EFCAB6: variants seen among roughly 807,000 people sequenced by gnomAD.
EFCAB6 encodes EF-hand calcium-binding domain-containing protein 6.
Under a neutral mutation model 169.8 loss-of-function variants are expected in EFCAB6, and 156 were observed. The observed-to-expected ratio is 0.92, with a 90% CI of 0.81 to 1.05. The LOEUF (loss-of-function observed/expected upper bound fraction) is 1.05. EFCAB6 is among the 50% of genes least tolerant of loss of function. The pLI is 0.00. For synonymous variants in EFCAB6, 698 were observed against 676.4 expected (o/e 1.03, Z -0.50); for missense variants, 1,800 against 1,829.1 (o/e 0.98, Z 0.29).
intron 5 of EFCAB6, among the ~76,000 whole-genome samples, chr22:43,764,885 C>A (rs1301716193): frequency 1.3e-5 from 2 of 151,016 alleles, no homozygotes; most frequent in Non-Finnish European, 2.9e-5. Context: ...ATACAAAGAT[C>A]TTTTTTTATT....
chr22:43,544,715 C>CAA (rs959336800), intron 27 of EFCAB6, among the ~76,000 whole-genome samples: 32 of 147,442 alleles, frequency 2.2e-4, no homozygotes, highest in Non-Finnish European at 4.1e-4. Flanking sequence ...TAATACCCTT[C>CAA]AAAAAAAAAA....
chr22:43,640,275 A>G (rs2055710051), intron 17 of EFCAB6, among the ~76,000 whole-genome samples: 1 of 152,178 alleles, frequency 6.6e-6, no homozygotes, highest in Non-Finnish European at 1.5e-5. Context: ...TTATGTCTAC[A>G]TATGTTATAA....
intron 21 of EFCAB6, among the ~76,000 whole-genome samples, chr22:43,610,341 AG>A (rs1281332946): frequency 6.6e-6 from 1 of 152,240 alleles, no homozygotes; most frequent in Middle Eastern, 3.2e-3. Flanking sequence ...AATGAGAAAA[AG>A]ACAAACCAGT....
intron 10 of EFCAB6, among the ~76,000 whole-genome samples, chr22:43,702,432 T>C (rs888101775): frequency 1.5e-4 from 23 of 151,994 alleles, no homozygotes; most frequent in African/African-American, 5.6e-4. Context: ...CAGAACAAAA[T>C]AAAAACCACA....
intron 10 of EFCAB6, among the ~76,000 whole-genome samples, chr22:43,700,171 A>C (rs903081332): frequency 3.3e-5 from 5 of 152,216 alleles, no homozygotes; most frequent in Non-Finnish European, 7.3e-5. Context: ...ACACATGCAC[A>C]TACACACACA....
At chr22:43,756,837 G>A (rs1278475784) in intron 5 of EFCAB6, among the ~76,000 whole-genome samples, 2 of 152,156 alleles carry the variant, frequency 1.3e-5, no homozygotes, top group Non-Finnish European at 2.9e-5. Context: ...CAAGGTGAAG[G>A]GCCATGAAGC....
chr22:43,564,983 G>A (rs777004922), intron 26 of EFCAB6, among the ~76,000 whole-genome samples: 5 of 152,198 alleles, frequency 3.3e-5, no homozygotes, highest in Non-Finnish European at 7.3e-5. Context: ...CCCTGCTTCT[G>A]TTCACCCTGT....
chr22:43,773,338 A>G (rs2061539055), intron 3 of EFCAB6, among the ~76,000 whole-genome samples: 1 of 152,234 alleles, frequency 6.6e-6, no homozygotes, highest in Admixed American at 6.5e-5. Context: ...AAGAAAAAAA[A>G]AGAGAATCTT....
At position 43,765,107 on chromosome 22, in the gene EFCAB6, T is replaced by C. The variant is rs546250768; in HGVS notation, c.440+198A>G. Among the ~76,000 whole-genome samples, 7 of 152,314 alleles carry C rather than the reference T, an allele frequency of 4.6e-5. No individual in the cohort carries two copies. The South Asian group carries it at 1.5e-3, about 32-fold the overall frequency. ...CAGTATCATTCCTCTTGTTTTGAAA[T>C]ACATCCTATATAGATGCTAAAATCT... On this transcript the variant is annotated intron_variant, in intron 5 of 31. Coordinates refer to ENST00000262726, the MANE Select transcript of EFCAB6 (RefSeq NM_022785.4).
In EFCAB6 at chr22:43,628,938, C is replaced by A. The variant is rs998314611; in HGVS notation, c.2233-2259G>T. 6.6e-6 allele frequency among the ~76,000 whole-genome samples: 1 copy of A among 152,230 alleles called. No individual in the cohort carries two copies. Among genetic ancestry groups the A allele is most frequent in the Non-Finnish European group, 1.5e-5 (1 of 68,046 alleles). On this transcript the variant is annotated intron_variant, in intron 19 of 31. Transcript: ENST00000262726. This position sits in a 1 kb window ranked among gnomAD's most constrained non-coding sequence, Gnocchi z 4.8. ...GCTCTCCGAGCCATGCTCACCATAA[C>A]GTCTGTGAGATGGGGCTGCTGGACA... is the stretch of plus-strand genomic sequence containing the variant.
chr22:43,619,173 C>T (rs1269396168), intron 20 of EFCAB6, among the ~76,000 whole-genome samples: 2 of 152,136 alleles, frequency 1.3e-5, no homozygotes, highest in African/African-American at 4.8e-5. Context: ...GCTTTGAGAA[C>T]ATGATTACTG....
In EFCAB6 at chr22:43,716,866, C is replaced by G; in HGVS notation, c.864G>C (p.Glu288Asp). 6.2e-7 allele frequency: 1 copy of G among 1,603,726 alleles called. No individual in the cohort carries two copies. Among genetic ancestry groups the G allele is most frequent in the Non-Finnish European group, 8.5e-7 (1 of 1,175,558 alleles). Residue 288 changes from glutamate to aspartate, a missense_variant, in exon 9 of 32, where the codon GAG becomes GAC. Physicochemically the swap from Glu to Asp is conservative, Grantham distance 45. Transcript: ENST00000262726. The part of the protein sequence containing the change: ...IWRNYSLDEI[E>D]RNFCLQLSKS... ...ATCTTACTTGTAGACAAAAGTTCCT[C>G]TCAATTTCATCCAAGGAGTAGTTTC...
intron 31 of EFCAB6, among the ~76,000 whole-genome samples, chr22:43,529,892 C>A (rs2046955479): frequency 6.6e-6 from 1 of 152,234 alleles, no homozygotes; most frequent in Non-Finnish European, 1.5e-5. Flanking sequence ...CAAATCCTGA[C>A]AGACCCTCAT....
Position 43,687,420 on chromosome 22 carries a change from A to C in EFCAB6, c.1142+51T>G, listed in dbSNP as rs531661493. 2.1e-4 allele frequency: 229 copies of C among 1,067,408 alleles called. 2 individuals are homozygous for C. The African/African-American group carries it at 3.5e-3, about 16-fold the overall frequency. The allele number at this position is 1,067,408 out of a possible 1,614,324, so 66.1% of individuals were successfully genotyped here. On this transcript the variant is annotated intron_variant, in intron 11 of 31. Coordinates refer to ENST00000262726, the MANE Select transcript of EFCAB6 (RefSeq NM_022785.4). The stretch of plus-strand genomic sequence containing the variant: ...GCACAGATATTCTCTGATATTTTAC[A>C]TATTATGATATGTGTAACTAAAATT...
chr22:43,631,166 A>G, intron 19 of EFCAB6, among the ~76,000 whole-genome samples: 1 of 150,146 alleles, frequency 6.7e-6, no homozygotes, highest in Non-Finnish European at 1.5e-5. Flanking sequence ...GACTTCACCC[A>G]TCTCCATTCT....
At chr22:43,714,324 T>TGGAA (rs1250039170) in intron 9 of EFCAB6, among the ~76,000 whole-genome samples, 1 of 151,676 alleles carries the variant, frequency 6.6e-6, no homozygotes, top group African/African-American at 2.4e-5. Context: ...GGGACTACTG[T>TGGAA]GGAAGGAAGG....
chr22:43,534,208 AGAGT>A (rs2047252769), intron 30 of EFCAB6, among the ~76,000 whole-genome samples: 1 of 152,106 alleles, frequency 6.6e-6, no homozygotes, highest in South Asian at 2.1e-4. Flanking sequence ...TGTTCTTGTG[AGAGT>A]GAGTGAGTTC....
intron 10 of EFCAB6, among the ~76,000 whole-genome samples, chr22:43,691,338 T>C (rs1263395829): frequency 6.6e-6 from 1 of 152,226 alleles, no homozygotes; most frequent in Non-Finnish European, 1.5e-5. Context: ...ATGGAAACTA[T>C]AGCTGCTATG....
chr22:43,688,068 T>C (rs1217712021), intron 10 of EFCAB6, among the ~76,000 whole-genome samples: 1 of 152,200 alleles, frequency 6.6e-6, no homozygotes, highest in East Asian at 1.9e-4. Context: ...TCTAATCCCA[T>C]ACATTCTTAA....
Sources: allele counts gnomAD v4.1 joint callset (sites outside exome capture counted in the v4.1 genomes callset), GRCh38; gene constraint gnomAD v4.1.1; non-coding constraint Gnocchi (gnomAD v3.1); transcripts MANE v1.5; gene names NCBI Gene and HGNC (gene_info 2026-07-23, HGNC 2026-07-21).